RSRC1: variants seen among roughly 807,000 people sequenced by gnomAD.
The protein encoded by RSRC1 is arginine and serine rich coiled-coil 1, also known as serine/Arginine-related protein 53.
RSRC1 carries 39 observed loss-of-function variants against 49.1 expected under a neutral mutation model. That is an observed-to-expected ratio of 0.79 (90% confidence interval 0.61 to 1.04). RSRC1 has a LOEUF of 1.04. Ranked by LOEUF, RSRC1 falls within the 50% of genes least tolerant of loss-of-function variation. The pLI is 0.00. For missense variants in RSRC1, 388 were observed against 402.4 expected (o/e 0.96, Z 0.31); for synonymous variants, 143 against 130.8 (o/e 1.09, Z -0.63).
In RSRC1 at chr3:158,361,755, A is replaced by G. The variant is rs80339415; in HGVS notation, c.583+6847A>G. On this transcript the variant is annotated intron_variant, in intron 6 of 9. Transcript: ENST00000611884. ...TTCCATTGGTCTTCAAGTTTCCCGT[A>G]TTCTTTTCTACCTGGGAAGCTTTGC... is the stretch of plus-strand genomic sequence containing the variant. Among the ~76,000 whole-genome samples the G allele has an allele frequency of 6.5e-3, 982 of 152,240 alleles. 12 individuals carry two copies. The highest frequency in any genetic ancestry group is 0.021 in the African/African-American group (852 of 41,544).
At chr3:158,478,011 A>G (rs913481691) in intron 7 of RSRC1, among the ~76,000 whole-genome samples, 2 of 151,104 alleles carry the variant, frequency 1.3e-5, no homozygotes, top group Non-Finnish European at 2.9e-5. Context: ...TAGAGCTATG[A>G]TCTCAGCACT....
intron 3 of RSRC1, among the ~76,000 whole-genome samples, chr3:158,154,219 C>T (rs551413268): frequency 6.6e-6 from 1 of 152,106 alleles, no homozygotes; most frequent in Admixed American, 6.6e-5. Context: ...TTTAAAAATA[C>T]CTTATTGCTT....
At chr3:158,478,083 T>A (rs955347373) in intron 7 of RSRC1, among the ~76,000 whole-genome samples, 1 of 151,366 alleles carries the variant, frequency 6.6e-6, no homozygotes, top group Non-Finnish European at 1.5e-5. Flanking sequence ...TAATAAAAAA[T>A]AAAATGCAAA....
At chr3:158,169,745 A>G (rs1308570193) in intron 3 of RSRC1, among the ~76,000 whole-genome samples, 1 of 152,006 alleles carries the variant, frequency 6.6e-6, no homozygotes, top group Non-Finnish European at 1.5e-5. Context: ...GGTCTTTTTT[A>G]TTAAGATCCT....
chr3:158,345,073 A>T (rs2108221598), intron 5 of RSRC1, among the ~76,000 whole-genome samples: 1 of 152,080 alleles, frequency 6.6e-6, no homozygotes, highest in South Asian at 2.1e-4. Flanking sequence ...TAAAAAAAAA[A>T]AAAATGTAGC....
intron 5 of RSRC1, among the ~76,000 whole-genome samples, chr3:158,324,479 G>C (rs1728955527): frequency 6.6e-6 from 1 of 152,082 alleles, no homozygotes; most frequent in South Asian, 2.1e-4. Flanking sequence ...GAGAACATGA[G>C]GTGTTTGGTT....
At chr3:158,441,354 G>A (rs758908148) in intron 6 of RSRC1, among the ~76,000 whole-genome samples, 19 of 151,890 alleles carry the variant, frequency 1.3e-4, no homozygotes, top group Non-Finnish European at 2.1e-4. Flanking sequence ...ATCTTATCTT[G>A]GCAAAATACA....
chr3:158,139,089 A>T (rs1308648499), intron 3 of RSRC1, among the ~76,000 whole-genome samples: 1 of 152,174 alleles, frequency 6.6e-6, no homozygotes, highest in African/African-American at 2.4e-5. Context: ...AGTACTTACT[A>T]TAATTTTTTG....
chr3:158,333,448 A>G (rs140921534), intron 5 of RSRC1, among the ~76,000 whole-genome samples: 2 of 152,176 alleles, frequency 1.3e-5, no homozygotes, highest in Non-Finnish European at 2.9e-5. Flanking sequence ...TTTAAATAAA[A>G]TTATTTTTTG....
chr3:158,132,089 T>G (rs938903304), intron 3 of RSRC1: 5 of 438,466 alleles, frequency 1.1e-5, no homozygotes, highest in African/African-American at 1.0e-4. Context: ...ACTCAAGGTA[T>G]CCTCCTACCT....
At chr3:158,364,356 A>C (rs1263648390) in intron 6 of RSRC1, among the ~76,000 whole-genome samples, 4 of 151,752 alleles carry the variant, frequency 2.6e-5, no homozygotes, top group Admixed American at 6.6e-5. Context: ...GTTAGGGCAA[A>C]CCCCCCAAAA....
At chr3:158,409,464 AT>A (rs1277196213) in intron 6 of RSRC1, among the ~76,000 whole-genome samples, 1 of 152,004 alleles carries the variant, frequency 6.6e-6, no homozygotes, top group Non-Finnish European at 1.5e-5. Flanking sequence ...AAATCTATTT[AT>A]TTTCTTTATT....
At chr3:158,399,034 T>G (rs1289598911) in intron 6 of RSRC1, among the ~76,000 whole-genome samples, 2 of 151,382 alleles carry the variant, frequency 1.3e-5, no homozygotes, top group African/African-American at 4.8e-5. Flanking sequence ...GAAGAGGGTC[T>G]GAATATTTAT....
At chr3:158,173,007 T>G (rs1718966426) in intron 3 of RSRC1, among the ~76,000 whole-genome samples, 1 of 152,162 alleles carries the variant, frequency 6.6e-6, no homozygotes, top group South Asian at 2.1e-4. Flanking sequence ...TTGTTTCAGT[T>G]TTTACAGTCG....
At chr3:158,141,269 A>G (rs1393675798) in intron 3 of RSRC1, among the ~76,000 whole-genome samples, 3 of 152,182 alleles carry the variant, frequency 2.0e-5, no homozygotes, top group Non-Finnish European at 4.4e-5. Context: ...TGGCAGGAAA[A>G]TCTGGTTGCT....
chr3:158,544,095 A>G, intron 9 of RSRC1, 88 bp from the exon 10 acceptor site: 10 of 842,402 alleles, frequency 1.2e-5, no homozygotes, highest in Non-Finnish European at 1.6e-5. Flanking sequence ...TGAGAGATAT[A>G]TTCTACAAAG....
intron 6 of RSRC1, among the ~76,000 whole-genome samples, chr3:158,424,517 C>G (rs1240465086): frequency 1.3e-5 from 2 of 150,360 alleles, no homozygotes; most frequent in Non-Finnish European, 3.0e-5. Context: ...CAATGTTCAT[C>G]AAGGATATTG....
intron 7 of RSRC1, among the ~76,000 whole-genome samples, chr3:158,469,164 A>G (rs1292143350): frequency 1.3e-5 from 2 of 152,156 alleles, no homozygotes; most frequent in Non-Finnish European, 2.9e-5. Flanking sequence ...ATAGTAACAT[A>G]TCATCTATAT....
chr3:158,487,447 A>G (rs1399812722), intron 7 of RSRC1, among the ~76,000 whole-genome samples: 3 of 152,158 alleles, frequency 2.0e-5, no homozygotes, highest in Non-Finnish European at 4.4e-5. Context: ...GTCATCTTAA[A>G]ATCACTGTTC....
Sources: gnomAD v4.1 joint callset for allele counts (sites outside exome capture counted in the v4.1 genomes callset) on GRCh38, gnomAD v4.1.1 for gene constraint, MANE v1.5 for transcripts, NCBI Gene and HGNC (gene_info 2026-07-23, HGNC 2026-07-21) for gene names.